The following TRIM59 variants were observed in gnomAD, a reference collection of about 807,000 sequenced individuals.
The protein encoded by TRIM59 is tripartite motif containing 59, also known as tripartite motif-containing protein 59.
Under a neutral mutation model 32.2 loss-of-function variants are expected in TRIM59, and 14 were observed. The ratio of observed to expected loss-of-function variants is 0.43; its 90% confidence interval spans 0.29 to 0.68. The LOEUF (loss-of-function observed/expected upper bound fraction) is 0.68, where lower values mean the gene tolerates loss of function less well. Ranked by LOEUF, TRIM59 falls within the 30% of genes least tolerant of loss-of-function variation. TRIM59 has a pLI of 0.15. For missense variants in TRIM59, 471 were observed against 463.3 expected (o/e 1.02, Z -0.15); for synonymous variants, 163 against 155.1 (o/e 1.05, Z -0.38).
intron 2 of TRIM59, among the ~76,000 whole-genome samples, chr3:160,440,762 T>G (rs995944701): frequency 2.0e-5 from 3 of 152,008 alleles, no homozygotes; most frequent in African/African-American, 7.3e-5. Flanking sequence ...AAATACAAAA[T>G]TAGCCCAGTG....
chr3:160,439,048 T>C lies in TRIM59; in HGVS notation c.136A>G (p.Ile46Val), dbSNP rs773619657. 1.3e-6 allele frequency: 2 copies of C among 1,587,710 alleles called. No homozygotes were observed. The highest frequency in any genetic ancestry group is 1.8e-5 in the Admixed American group (1 of 55,470). Reference sequence around the variant, plus strand: ...AGTGGAATTCGTAAAGGTCTCCATATATAAAAGTTACCAGATGCCTGAAGA... The same window carrying C: ...AGTGGAATTCGTAAAGGTCTCCATACATAAAAGTTACCAGATGCCTGAAGA... ...NILQASGNFY[I>V]WRPLRIPLKC... The change falls in exon 3 of 3, where the codon ATA becomes GTA. Residue 46 changes from isoleucine to valine, a missense_variant. Physicochemically the swap from Ile to Val is conservative, Grantham distance 29. Coordinates refer to ENST00000309784, the MANE Select transcript of TRIM59 (RefSeq NM_173084.3).
At chr3:160,442,588 G>A (rs1275367850) in intron 2 of TRIM59, among the ~76,000 whole-genome samples, 3 of 151,816 alleles carry the variant, frequency 2.0e-5, no homozygotes, top group Non-Finnish European at 2.9e-5. Context: ...CAAAAATCGT[G>A]GTTGGTCTCA....
chr3:160,449,222 G>C (rs1014411953), intron 1 of TRIM59, among the ~76,000 whole-genome samples: 6 of 152,092 alleles, frequency 3.9e-5, no homozygotes, highest in African/African-American at 1.4e-4. Flanking sequence ...CAATGCTGTG[G>C]GACCTGGGTC....
In TRIM59 at chr3:160,438,184, C is replaced by T; in HGVS notation, c.1000G>A (p.Val334Ile). 6.2e-7 allele frequency: 1 copy of T among 1,613,038 alleles called. No individual in the cohort carries two copies. Residue 334 changes from valine (V) to isoleucine (I), a missense_variant, in exon 3 of 3, where the codon GTA becomes ATA. Physicochemically the swap from Val to Ile is conservative, Grantham distance 29 (BLOSUM62 3). Coordinates refer to ENST00000309784, the MANE Select transcript of TRIM59 (RefSeq NM_173084.3). ...AGTATTACTGAAATTAATGTAACTA[C>T]AACAATGTTTAAAATTTTTAAAAAT... Reference protein sequence around the residue: ...VEFLKILNIVVVTLISVILMS... With the variant: ...VEFLKILNIVIVTLISVILMS...
Position 160,435,616 on chromosome 3 carries a change from AAAC to A in TRIM59, c.*2353_*2355del, listed in dbSNP as rs1202620187. 2 of 165,962 alleles carry A rather than the reference AAAC, an allele frequency of 1.2e-5. No homozygotes were observed. The highest frequency in any genetic ancestry group is 2.8e-3 in the Middle Eastern group (1 of 352). 10.3% of individuals were successfully genotyped at this position (165,962 alleles called of 1,614,324 possible). On this transcript the variant is annotated 3_prime_UTR_variant, in exon 3 of 3. Transcript: ENST00000309784. Reference sequence around the variant, plus strand: ...CAATCTTCCTGCTGGTAAAAATACAAAACAGCAGCATAAGAACCAGTTACTCAT... The same window carrying A: ...CAATCTTCCTGCTGGTAAAAATACAAAGCAGCATAAGAACCAGTTACTCAT...
rs1719724375 is a variant in TRIM59 at position 160,449,712 on chromosome 3, C to G, written c.-74+5G>C. ...CTCCGCATCCGTAAAGGTCCTTAGACTCACCGCGGGGAGGAAGCGGACCAG... is the reference window on the plus strand; with the variant it reads ...CTCCGCATCCGTAAAGGTCCTTAGAGTCACCGCGGGGAGGAAGCGGACCAG... On this transcript the variant is annotated splice_donor_5th_base_variant and intron_variant, in intron 1 of 2. Transcript: ENST00000309784. 7.8e-7 allele frequency: 1 copy of G among 1,288,634 alleles called. No individual in the cohort carries two copies. The highest frequency in any genetic ancestry group is 1.2e-5 in the South Asian group (1 of 81,032). 79.8% of individuals were successfully genotyped at this position (1,288,634 alleles called of 1,614,324 possible).
Position 160,438,054 on chromosome 3 carries a change from TTAGA to T in TRIM59, c.1126_1129del (p.Ser376ThrfsTer6), listed in dbSNP as rs1172806167. 1 of 1,604,904 alleles carries T rather than the reference TTAGA, an allele frequency of 6.2e-7. No homozygotes were observed. Among genetic ancestry groups the T allele is most frequent in the African/African-American group, 1.3e-5 (1 of 74,280 alleles). On this transcript the variant is annotated frameshift_variant, in exon 3 of 3. Transcript: ENST00000309784. LOFTEE classifies it high-confidence loss of function. ...TATATTCTTTACCTTATGCAGACTG[TTAGA>T]TAAACTTTGGTAAACAGATAGAGAG... is the stretch of plus-strand genomic sequence containing the variant.
Position 160,436,163 on chromosome 3 carries a change from TATA to T in TRIM59, c.*1806_*1808del. 3 of 1,025,000 alleles carry T rather than the reference TATA, an allele frequency of 2.9e-6. No homozygotes were observed. The highest frequency in any genetic ancestry group is 3.5e-6 in the Non-Finnish European group (3 of 852,910). 63.5% of individuals were successfully genotyped at this position (1,025,000 alleles called of 1,614,324 possible). On this transcript the variant is annotated 3_prime_UTR_variant, in exon 3 of 3. Coordinates refer to ENST00000309784, the MANE Select transcript of TRIM59 (RefSeq NM_173084.3). ...AAGTCTGATTCTAATAATAAATTGA[TATA>T]ATACAGTCATCTTAGTGTTAAGACT...
At chr3:160,441,481 C>CG (rs1232895440) in intron 2 of TRIM59, among the ~76,000 whole-genome samples, 2 of 152,034 alleles carry the variant, frequency 1.3e-5, no homozygotes, top group South Asian at 2.1e-4. Flanking sequence ...AGGCCAGGTG[C>CG]GGGGGCTCAC....
rs1023337346 is a variant in TRIM59 at position 160,437,775 on chromosome 3, T to C, written c.*197A>G. 8.1e-7 allele frequency: 1 copy of C among 1,238,934 alleles called. No homozygotes were observed. The highest frequency in any genetic ancestry group is 4.0e-5 in the Admixed American group (1 of 25,216). The allele number at this position is 1,238,934 out of a possible 1,614,324, so 76.7% of individuals were successfully genotyped here. On this transcript the variant is annotated 3_prime_UTR_variant, in exon 3 of 3. Transcript: ENST00000309784. Reference sequence around the variant, plus strand: ...ATTACTTTTCAAATTGTTACTAGATTCTGTTTCCCAAAGATTTGACTATTT... The same window carrying C: ...ATTACTTTTCAAATTGTTACTAGATCCTGTTTCCCAAAGATTTGACTATTT...
chr3:160,437,957 T>G lies in TRIM59; in HGVS notation c.*15A>C. 1 of 1,530,452 alleles carries G rather than the reference T, an allele frequency of 6.5e-7. No individual in the cohort carries two copies. Among genetic ancestry groups the G allele is most frequent in the East Asian group, 2.3e-5 (1 of 44,202 alleles). The allele number at this position is 1,530,452 out of a possible 1,614,324, so 94.8% of individuals were successfully genotyped here. A position where few individuals can be genotyped will look rare whatever the true frequency, so the allele number is the denominator to read the frequency against. On this transcript the variant is annotated 3_prime_UTR_variant, in exon 3 of 3. Transcript: ENST00000309784. The stretch of plus-strand genomic sequence containing the variant: ...GTACAGAATAAGCCCATTTAAACAA[T>G]TCAGGTTGACATTTTCAATGGGAAA...
Position 160,436,776 on chromosome 3 carries a change from C to G in TRIM59, c.*1196G>C, listed in dbSNP as rs894275500. On this transcript the variant is annotated 3_prime_UTR_variant, in exon 3 of 3. Coordinates refer to ENST00000309784, the MANE Select transcript of TRIM59 (RefSeq NM_173084.3). The stretch of plus-strand genomic sequence containing the variant: ...TCACGCCACTGCACTCCAGCCTGGG[C>G]GACAGAGCAAGACTCCGTCTCAAAA... 1 of 826,104 alleles carries G rather than the reference C, an allele frequency of 1.2e-6. No individual in the cohort carries two copies. Among genetic ancestry groups the G allele is most frequent in the African/African-American group, 2.4e-5 (1 of 41,194 alleles). 51.2% of individuals were successfully genotyped at this position (826,104 alleles called of 1,614,324 possible).
rs751331451 is a variant in TRIM59, at chr3:160,438,177, G to A, written c.1007C>T (p.Thr336Ile). Residue 336 changes from threonine (T) to isoleucine (I), a missense_variant, in exon 3 of 3, where the codon ACA becomes ATA. Transcript: ENST00000309784. Reference sequence around the variant, plus strand: ...CGACATCAGTATTACTGAAATTAATGTAACTACAACAATGTTTAAAATTTT... The same window carrying A: ...CGACATCAGTATTACTGAAATTAATATAACTACAACAATGTTTAAAATTTT... ...FLKILNIVVV[T>I]LISVILMSIL... 7 of 1,612,280 alleles carry A rather than the reference G, an allele frequency of 4.3e-6. No homozygotes were observed. The Admixed American group carries it at 6.7e-5, about 15-fold the overall frequency.
chr3:160,447,628 A>C (rs1208999971), intron 2 of TRIM59: 1 of 152,246 alleles, frequency 6.6e-6, no homozygotes, highest in Non-Finnish European at 1.5e-5. Flanking sequence ...CCAGTTTTTA[A>C]GTTTTAATTC....
rs1718996549 is a variant in TRIM59 at position 160,436,867 on chromosome 3, G to C, written c.*1105C>G. ...CTTTTGCATTAGCTTAAGGGAATGTGGTAGAAAATTTAAATGAGTTAAGAT... is the reference window on the plus strand; with the variant it reads ...CTTTTGCATTAGCTTAAGGGAATGTCGTAGAAAATTTAAATGAGTTAAGAT... On this transcript the variant is annotated 3_prime_UTR_variant, in exon 3 of 3. Coordinates refer to ENST00000309784, the MANE Select transcript of TRIM59 (RefSeq NM_173084.3). 1 of 974,048 alleles carries C rather than the reference G, an allele frequency of 1.0e-6. No homozygotes were observed. The highest frequency in any genetic ancestry group is 6.2e-5 in the Admixed American group (1 of 16,140). 60.3% of individuals were successfully genotyped at this position (974,048 alleles called of 1,614,324 possible). A position where few individuals can be genotyped will look rare whatever the true frequency, so the allele number is the denominator to read the frequency against.
rs1315326548 is a variant in TRIM59, at chr3:160,437,750, ATTAC to A, written c.*218_*221del. 19 of 1,204,578 alleles carry A rather than the reference ATTAC, an allele frequency of 1.6e-5. No individual in the cohort carries two copies. Among genetic ancestry groups the A allele is most frequent in the East Asian group, 3.7e-5 (1 of 27,188 alleles). The allele number at this position is 1,204,578 out of a possible 1,614,324, so 74.6% of individuals were successfully genotyped here. A position where few individuals can be genotyped will look rare whatever the true frequency, so the allele number is the denominator to read the frequency against. The stretch of plus-strand genomic sequence containing the variant: ...AAAGCCAATAAAAATGGGATAGTGT[ATTAC>A]TTTTCAAATTGTTACTAGATTCTGT... On this transcript the variant is annotated 3_prime_UTR_variant, in exon 3 of 3. Transcript: ENST00000309784.
chr3:160,436,005 A>T lies in TRIM59; in HGVS notation c.*1967T>A, dbSNP rs552139192. 7 of 1,245,904 alleles carry T rather than the reference A, an allele frequency of 5.6e-6. No individual in the cohort carries two copies. In the East Asian group the frequency reaches 3.4e-4, roughly 61 times the overall value. 77.2% of individuals were successfully genotyped at this position (1,245,904 alleles called of 1,614,324 possible). The stretch of plus-strand genomic sequence containing the variant: ...GTTTTTGAAACTACAGGGCACTTTT[A>T]TGGTGTGACTAGTATTTTAAGTAAT... On this transcript the variant is annotated 3_prime_UTR_variant, in exon 3 of 3. Transcript: ENST00000309784.
chr3:160,447,995 T>TA (rs1250994688), intron 2 of TRIM59, among the ~76,000 whole-genome samples: 1 of 152,152 alleles, frequency 6.6e-6, no homozygotes, highest in African/African-American at 2.4e-5. Flanking sequence ...CACATATAAA[T>TA]ATACAAAAAT....
rs749167583 is a variant in TRIM59, at chr3:160,436,474, A to C, written c.*1498T>G. On this transcript the variant is annotated 3_prime_UTR_variant, in exon 3 of 3. Transcript: ENST00000309784. Reference sequence around the variant, plus strand: ...AAAGGGAACTAAAGGGCTTTGATTTAATTGGCCCTCTTAAGCAAAGCTAAT... The same window carrying C: ...AAAGGGAACTAAAGGGCTTTGATTTCATTGGCCCTCTTAAGCAAAGCTAAT... 1.9e-5 allele frequency: 19 copies of C among 985,868 alleles called. No individual in the cohort carries two copies. Among genetic ancestry groups the C allele is most frequent in the Non-Finnish European group, 2.3e-5 (19 of 829,946 alleles). 61.1% of individuals were successfully genotyped at this position (985,868 alleles called of 1,614,324 possible). A position where few individuals can be genotyped will look rare whatever the true frequency, so the allele number is the denominator to read the frequency against.
Sources: allele counts gnomAD v4.1 joint callset (sites outside exome capture counted in the v4.1 genomes callset), GRCh38; gene constraint gnomAD v4.1.1; transcripts MANE v1.5; gene names NCBI Gene and HGNC (gene_info 2026-07-23, HGNC 2026-07-21).